Variants in HEMK2 observed in about 807,000 individuals in gnomAD.
HEMK2 encodes methyltransferase HEMK2.
the HEMK2 span, among the ~76,000 whole-genome samples, chr21:28,831,682 A>AGAAAGAAAGAAG: frequency 1.5e-4 from 3 of 20,308 alleles, no homozygotes; most frequent in African/African-American, 2.2e-4. Flanking sequence ...AAAGAAAGAA[A>AGAAAGAAAGAAG]GAAGGAAGGA....
chr21:28,742,791 C>T, the HEMK2 span, among the ~76,000 whole-genome samples: 5 of 152,010 alleles, frequency 3.3e-5, no homozygotes, highest in Non-Finnish European at 5.9e-5. Context: ...CACCCAAACA[C>T]CAGAATTTGA....
the HEMK2 span, among the ~76,000 whole-genome samples, chr21:28,654,428 T>TA: frequency 1.3e-5 from 2 of 152,114 alleles, no homozygotes; most frequent in African/African-American, 4.8e-5. Context: ...TACTGAAGGA[T>TA]AACCTCTGAC....
the HEMK2 span, chr21:28,878,268 C>T: frequency 1.2e-6 from 2 of 1,609,972 alleles, no homozygotes; most frequent in Non-Finnish European, 1.7e-6. Context: ...GGGGAAAAAA[C>T]CTGTCCATGA....
chr21:28,610,409 A>G, the HEMK2 span, among the ~76,000 whole-genome samples: 1 of 152,212 alleles, frequency 6.6e-6, no homozygotes, highest in Non-Finnish European at 1.5e-5. Flanking sequence ...AGGAGCTCTA[A>G]ATCTTCAAAC....
the HEMK2 span, among the ~76,000 whole-genome samples, chr21:28,826,239 A>G: frequency 3.9e-5 from 6 of 152,220 alleles, no homozygotes; most frequent in Non-Finnish European, 7.3e-5. Context: ...TTGTAAGTAT[A>G]GCCTTAAAGA....
the HEMK2 span, among the ~76,000 whole-genome samples, chr21:28,707,491 A>G: frequency 6.6e-6 from 1 of 152,012 alleles, no homozygotes; most frequent in Admixed American, 6.6e-5. Context: ...CCTTGCCTCA[A>G]GTAATCCACC....
At chr21:28,641,851 C>T in the HEMK2 span, among the ~76,000 whole-genome samples, 1 of 152,202 alleles carries the variant, frequency 6.6e-6, no homozygotes, top group Non-Finnish European at 1.5e-5. Flanking sequence ...TCAGAGCAGC[C>T]ACTTCCCTCA....
chr21:28,705,938 G>A, the HEMK2 span, among the ~76,000 whole-genome samples: 2 of 152,270 alleles, frequency 1.3e-5, no homozygotes, highest in East Asian at 1.9e-4. Flanking sequence ...AAGGTTGTCT[G>A]CTCTTAAGAT....
At chr21:28,585,305 C>A in the HEMK2 span, among the ~76,000 whole-genome samples, 1 of 151,094 alleles carries the variant, frequency 6.6e-6, no homozygotes, top group South Asian at 2.1e-4. Context: ...GCACTCCAGC[C>A]TGGGTGACAG....
chr21:28,603,594 T>TGTGTGTGTGTGTGTGTG, the HEMK2 span, among the ~76,000 whole-genome samples: 8 of 143,532 alleles, frequency 5.6e-5, no homozygotes, highest in South Asian at 2.2e-4. Flanking sequence ...TGTGTGTGTG[T>TGTGTGTGTGTGTGTGTG]TTTAGGTTGC....
chr21:28,862,467 G>A, the HEMK2 span, among the ~76,000 whole-genome samples: 2 of 141,370 alleles, frequency 1.4e-5, no homozygotes, highest in Non-Finnish European at 3.0e-5. Flanking sequence ...GTGAAACCCC[G>A]TCTCTACTAA....
At chr21:28,666,057 T>C in the HEMK2 span, among the ~76,000 whole-genome samples, 1 of 152,222 alleles carries the variant, frequency 6.6e-6, no homozygotes, top group African/African-American at 2.4e-5. Flanking sequence ...AAAATCACAA[T>C]TCTAAATTGA....
chr21:28,720,686 T>C, the HEMK2 span, among the ~76,000 whole-genome samples: 1 of 152,058 alleles, frequency 6.6e-6, no homozygotes, highest in African/African-American at 2.4e-5. Flanking sequence ...TGAGCCGAGA[T>C]TGCGCCACTG....
the HEMK2 span, chr21:28,874,302 A>C: frequency 6.6e-6 from 1 of 152,272 alleles, no homozygotes; most frequent in Admixed American, 6.5e-5. Context: ...CCCTGCGCGA[A>C]GGGAAAGTGA....
chr21:28,847,721 T>C, the HEMK2 span, among the ~76,000 whole-genome samples: 4 of 152,258 alleles, frequency 2.6e-5, no homozygotes, highest in Non-Finnish European at 5.9e-5. Flanking sequence ...TGCTATTTCC[T>C]AGATTTTCTT....
chr21:28,739,804 A>G, the HEMK2 span, among the ~76,000 whole-genome samples: 1 of 152,238 alleles, frequency 6.6e-6, no homozygotes, highest in Non-Finnish European at 1.5e-5. Flanking sequence ...AGTGTCTACC[A>G]TATTGGACAG....
chr21:28,650,835 G>A, the HEMK2 span, among the ~76,000 whole-genome samples: 2,453 of 152,282 alleles, frequency 0.016, 68 homozygotes, highest in African/African-American at 0.054. Flanking sequence ...GGGGCTTGAG[G>A]AAACAGACAG....
chr21:28,713,463 T>C, the HEMK2 span, among the ~76,000 whole-genome samples: 1 of 152,204 alleles, frequency 6.6e-6, no homozygotes, highest in Non-Finnish European at 1.5e-5. Context: ...TCATTCTTGA[T>C]GCTCCAGCCA....
the HEMK2 span, chr21:28,876,267 T>C: frequency 3.2e-6 from 2 of 630,486 alleles, no homozygotes; most frequent in Non-Finnish European, 5.4e-6. Flanking sequence ...GTTCCACCTT[T>C]CTACCTTTTT....
Sources: allele counts gnomAD v4.1 joint callset (sites outside exome capture counted in the v4.1 genomes callset), GRCh38; gene constraint gnomAD v4.1.1; transcripts MANE v1.5; gene names NCBI Gene and HGNC (gene_info 2026-07-23, HGNC 2026-07-21).